KPNA7: variants seen among roughly 807,000 people sequenced by gnomAD.
KPNA7 encodes importin subunit alpha-8.
Under a neutral mutation model 53.7 loss-of-function variants are expected in KPNA7, and 54 were observed. The ratio of observed to expected loss-of-function variants is 1.01; its 90% CI spans 0.81 to 1.26. The LOEUF (loss-of-function observed/expected upper bound fraction) is 1.26, where lower values mean the gene tolerates loss of function less well. KPNA7 is among the 50% of genes most tolerant of loss of function. KPNA7 has a pLI of 0.00. For missense variants in KPNA7, 640 were observed against 644.5 expected (o/e 0.99, Z 0.07); for synonymous variants, 276 against 259.3 (o/e 1.06, Z -0.62).
upstream of KPNA7, among the ~76,000 whole-genome samples, chr7:99,211,670 A>G (rs1444946466): frequency 6.6e-6 from 1 of 152,154 alleles, no homozygotes; most frequent in African/African-American, 2.4e-5. Flanking sequence ...CACCCACAGC[A>G]AGACAGGAGC....
intron 2 of KPNA7, 103 bp from the exon 3 acceptor site, chr7:99,203,343 C>T (rs1584312409): frequency 1.6e-6 from 2 of 1,234,136 alleles, no homozygotes; most frequent in East Asian, 5.1e-5. Context: ...TTTACAGATA[C>T]AATAGGCTGG....
At chr7:99,165,301 T>A in the KPNA7 span, among the ~76,000 whole-genome samples, 15 of 82,928 alleles carry the variant, frequency 1.8e-4, no homozygotes, top group African/African-American at 5.4e-4. Context: ...CCTTGCCTTT[T>A]TAAAAAAAAA....
At chr7:99,162,250 G>A in the KPNA7 span, among the ~76,000 whole-genome samples, 1 of 151,930 alleles carries the variant, frequency 6.6e-6, no homozygotes, top group Non-Finnish European at 1.5e-5. Flanking sequence ...CACTATGTTG[G>A]CCAGGCTGGT....
the KPNA7 span, among the ~76,000 whole-genome samples, chr7:99,161,265 CTCT>C: frequency 2.0e-5 from 2 of 99,260 alleles, no homozygotes; most frequent in African/African-American, 7.4e-5. Flanking sequence ...CTCTCTCTCT[CTCT>C]CTGATCACTT....
intron 5 of KPNA7, among the ~76,000 whole-genome samples, chr7:99,193,408 G>A (rs1008840392): frequency 2.6e-5 from 4 of 152,222 alleles, no homozygotes; most frequent in Non-Finnish European, 4.4e-5. Flanking sequence ...TCCAGACCAA[G>A]TTGTCTTCCC....
the KPNA7 span, among the ~76,000 whole-genome samples, chr7:99,147,519 A>G: frequency 6.6e-6 from 1 of 152,386 alleles, no homozygotes; most frequent in East Asian, 1.9e-4. Flanking sequence ...GTCCGGGCAC[A>G]GTGGCTCACG....
At chr7:99,177,572 CAAAAAAAAAAAAAA>C (rs34717081) in intron 10 of KPNA7, among the ~76,000 whole-genome samples, 2 of 41,762 alleles carry the variant, frequency 4.8e-5, no homozygotes, top group African/African-American at 8.1e-5. Context: ...GAAACCATCT[CAAAAAAAAAAAAAA>C]AAAAAAAAAA....
At chr7:99,189,775 T>C (rs1213667782) in intron 6 of KPNA7, among the ~76,000 whole-genome samples, 1 of 150,216 alleles carries the variant, frequency 6.7e-6, no homozygotes, top group Non-Finnish European at 1.5e-5. Flanking sequence ...ATGCTTTTTG[T>C]AGAGGAAAGT....
chr7:99,204,819 G>C (rs1790712703), intron 2 of KPNA7, among the ~76,000 whole-genome samples: 1 of 152,164 alleles, frequency 6.6e-6, no homozygotes, highest in South Asian at 2.1e-4. Flanking sequence ...TCGTGCCACT[G>C]CACTCCAGCC....
At position 99,187,807 on chromosome 7, in the gene KPNA7, A is replaced by C. The variant is rs1403737550; in HGVS notation, c.900+493T>G. Among the ~76,000 whole-genome samples the C allele has an allele frequency of 1.0e-4, 3 of 29,792 alleles. 1 individual carries two copies. Among genetic ancestry groups the C allele is most frequent in the African/African-American group, 1.3e-4 (2 of 15,936 alleles). 19.5% of individuals were successfully genotyped at this position (29,792 alleles called of 152,430 possible). A position where few individuals can be genotyped will look rare whatever the true frequency, so the allele number is the denominator to read the frequency against. ...TGCCCGGCCTTTTTTTTTAAAAAAA[A>C]AAAAAAAAAAAAAAAAAAAAAAAAA... On this transcript the variant is annotated intron_variant, in intron 7 of 10. Coordinates refer to ENST00000327442, the MANE Select transcript of KPNA7 (RefSeq NM_001145715.3).
intron 8 of KPNA7, among the ~76,000 whole-genome samples, chr7:99,183,127 G>T (rs758016303): frequency 1.3e-5 from 2 of 152,090 alleles, no homozygotes; most frequent in African/African-American, 2.4e-5. Flanking sequence ...GTGGAGGCGT[G>T]TGCCTGTAAT....
chr7:99,209,950 G>A (rs1053762779), upstream of KPNA7, among the ~76,000 whole-genome samples: 19 of 152,022 alleles, frequency 1.2e-4, no homozygotes, highest in Non-Finnish European at 2.4e-4. Context: ...AGGCTGCAGT[G>A]AGCCACGATT....
At chr7:99,206,634 G>A (rs1354229638) in intron 2 of KPNA7, among the ~76,000 whole-genome samples, 3 of 151,772 alleles carry the variant, frequency 2.0e-5, no homozygotes, top group Admixed American at 6.6e-5. Context: ...ACACCTGGCC[G>A]ATTTTTTGTT....
At chr7:99,161,244 T>A in the KPNA7 span, among the ~76,000 whole-genome samples, 1 of 10,852 alleles carries the variant, frequency 9.2e-5, no homozygotes, top group African/African-American at 1.2e-4. Flanking sequence ...TCTCTCTCTC[T>A]CTCTCTCTCT....
chr7:99,154,543 T>G, the KPNA7 span, among the ~76,000 whole-genome samples: 1 of 151,786 alleles, frequency 6.6e-6, no homozygotes, highest in African/African-American at 2.4e-5. Context: ...TTTTTTTTTT[T>G]TCTCAAGACG....
intron 10 of KPNA7, among the ~76,000 whole-genome samples, chr7:99,175,761 C>T (rs1366540848): frequency 6.6e-6 from 1 of 151,990 alleles, no homozygotes; most frequent in Non-Finnish European, 1.5e-5. Context: ...ATCCATCTGC[C>T]TCAGCCTCCC....
intron 7 of KPNA7, 114 bp downstream of exon 7, chr7:99,188,186 A>AC: frequency 3.1e-6 from 3 of 966,334 alleles, no homozygotes; most frequent in Non-Finnish European, 4.3e-6. Context: ...AAAAAAAAAA[A>AC]AAAAAAAAAA....
At chr7:99,206,797 A>G (rs1790839028) in intron 2 of KPNA7, among the ~76,000 whole-genome samples, 1 of 152,080 alleles carries the variant, frequency 6.6e-6, no homozygotes, top group Non-Finnish European at 1.5e-5. Context: ...GGATGAAGAA[A>G]CTGGGGTTCT....
chr7:99,162,493 G>A, the KPNA7 span, among the ~76,000 whole-genome samples: 2 of 152,194 alleles, frequency 1.3e-5, no homozygotes, highest in African/African-American at 2.4e-5. Flanking sequence ...CCAACTCCCC[G>A]AGTCTAAGCA....
Sources: gnomAD v4.1 joint callset for allele counts (sites outside exome capture counted in the v4.1 genomes callset) on GRCh38, gnomAD v4.1.1 for gene constraint, MANE v1.5 for transcripts, NCBI Gene and HGNC (gene_info 2026-07-23, HGNC 2026-07-21) for gene names.